The following FSTL4 variants were observed in gnomAD, a reference collection of about 807,000 sequenced individuals.
FSTL4 encodes the protein follistatin like 4.
Under a neutral mutation model 78.2 loss-of-function variants are expected in FSTL4, and 28 were observed. The ratio of observed to expected loss-of-function variants is 0.36; its 90% CI spans 0.27 to 0.49. The LOEUF is 0.49. FSTL4 is among the 20% of genes least tolerant of loss of function. The pLI, the probability that FSTL4 is intolerant of heterozygous loss-of-function variation, is 0.98. For missense variants in FSTL4, 922 were observed against 1,084.9 expected (o/e 0.85, Z 2.11); for synonymous variants, 422 against 440.5 (o/e 0.96, Z 0.53).
chr5:133,375,793 C>T (rs1018931704), intron 4 of FSTL4, among the ~76,000 whole-genome samples: 3 of 152,136 alleles, frequency 2.0e-5, no homozygotes, highest in Non-Finnish European at 1.5e-5. Context: ...TTTGTTCTTC[C>T]CACATTGACA....
chr5:133,387,096 C>T (rs150320944), intron 4 of FSTL4, among the ~76,000 whole-genome samples: 7 of 152,300 alleles, frequency 4.6e-5, no homozygotes, highest in Middle Eastern at 3.4e-3. Flanking sequence ...ATCAGCAAAG[C>T]TGCATGAAGT....
At chr5:133,436,533 G>T (rs573935134) in intron 3 of FSTL4, among the ~76,000 whole-genome samples, 2 of 152,234 alleles carry the variant, frequency 1.3e-5, no homozygotes, top group East Asian at 3.9e-4. Flanking sequence ...TAGAAGCATT[G>T]AGAAGTTATT....
At chr5:133,233,626 C>A in intron 7 of FSTL4, 89 bp from the exon 8 acceptor site, 1 of 1,502,788 alleles carries the variant, frequency 6.7e-7, no homozygotes. Flanking sequence ...AGAAATCCTG[C>A]AGCTGGGAGA....
chr5:133,641,999 T>C, the FSTL4 span, among the ~76,000 whole-genome samples: 2 of 152,102 alleles, frequency 1.3e-5, no homozygotes, highest in Non-Finnish European at 2.9e-5. Context: ...TCTCTTCTAA[T>C]GTTTGAGAAA....
chr5:133,670,300 T>C, the FSTL4 span, among the ~76,000 whole-genome samples: 1 of 152,220 alleles, frequency 6.6e-6, no homozygotes, highest in Non-Finnish European at 1.5e-5. Flanking sequence ...CAAAAGGACC[T>C]CTGGATCCTT....
chr5:133,838,711 G>T, the FSTL4 span, among the ~76,000 whole-genome samples: 3 of 152,346 alleles, frequency 2.0e-5, 1 homozygote, highest in South Asian at 6.2e-4. Context: ...CCAAAAGCAT[G>T]TATCCCAGGG....
At chr5:133,576,685 AG>A in intron 2 of FSTL4, among the ~76,000 whole-genome samples, 1 of 152,182 alleles carries the variant, frequency 6.6e-6, no homozygotes, top group Non-Finnish European at 1.5e-5. Flanking sequence ...CTGGCTTCAG[AG>A]TTCCTCAGGC....
At chr5:133,389,604 C>T (rs529933916) in intron 4 of FSTL4, among the ~76,000 whole-genome samples, 11 of 152,316 alleles carry the variant, frequency 7.2e-5, no homozygotes, top group East Asian at 5.8e-4. Context: ...AGACATCTTC[C>T]TCGCCCCTGC....
intron 8 of FSTL4, among the ~76,000 whole-genome samples, chr5:133,228,615 C>A (rs1246730706): frequency 6.6e-6 from 1 of 152,162 alleles, no homozygotes; most frequent in African/African-American, 2.4e-5. Context: ...GGAAATCTAC[C>A]ATTAATCATT....
chr5:133,601,698 T>TTTTTTTTTC (rs377291709), intron 2 of FSTL4, among the ~76,000 whole-genome samples: 1 of 149,524 alleles, frequency 6.7e-6, no homozygotes, highest in African/African-American at 2.5e-5. Flanking sequence ...TTTTTTTTTT[T>TTTTTTTTTC]CTCAGACATG....
chr5:133,356,801 G>A (rs1754953503), intron 4 of FSTL4, among the ~76,000 whole-genome samples: 1 of 152,212 alleles, frequency 6.6e-6, no homozygotes, highest in African/African-American at 2.4e-5. Flanking sequence ...TTTTGGCAGG[G>A]GACCCCTCAC....
At chr5:133,591,934 G>A (rs538642428) in intron 2 of FSTL4, among the ~76,000 whole-genome samples, 13 of 152,222 alleles carry the variant, frequency 8.5e-5, no homozygotes, top group East Asian at 1.9e-4. Context: ...GTTAGCAGGC[G>A]ATTCTGCTCC....
chr5:133,349,687 G>A (rs905616051), intron 4 of FSTL4, among the ~76,000 whole-genome samples: 3 of 147,608 alleles, frequency 2.0e-5, no homozygotes, highest in Non-Finnish European at 4.5e-5. Context: ...GCTGCCATGC[G>A]ACTGTAAAGG....
At chr5:133,740,933 C>CTGGATGGATGGA in the FSTL4 span, among the ~76,000 whole-genome samples, 21 of 148,966 alleles carry the variant, frequency 1.4e-4, no homozygotes, top group Non-Finnish European at 2.1e-4. Context: ...AAGTCAGCCT[C>CTGGATGGATGGA]TGGATGGATG....
At chr5:133,281,156 G>T (rs1280454436) in intron 6 of FSTL4, among the ~76,000 whole-genome samples, 3 of 152,108 alleles carry the variant, frequency 2.0e-5, no homozygotes, top group Non-Finnish European at 4.4e-5. Flanking sequence ...CCTTCCACCA[G>T]CCCAACCTCC....
At chr5:133,425,315 T>C (rs766752231) in intron 3 of FSTL4, among the ~76,000 whole-genome samples, 1 of 152,192 alleles carries the variant, frequency 6.6e-6, no homozygotes, top group African/African-American at 2.4e-5. Flanking sequence ...CCTGGTCTTG[T>C]CTCCCAGCAG....
chr5:133,505,920 C>T (rs966858547), intron 3 of FSTL4, among the ~76,000 whole-genome samples: 1 of 152,218 alleles, frequency 6.6e-6, no homozygotes, highest in African/African-American at 2.4e-5. Flanking sequence ...ATCAAAAATA[C>T]CCATCCTACT....
chr5:133,701,345 G>A, the FSTL4 span, among the ~76,000 whole-genome samples: 1 of 150,312 alleles, frequency 6.7e-6, no homozygotes. Context: ...GGAGGTTGCA[G>A]TGAGCCGAGA....
upstream of FSTL4, among the ~76,000 whole-genome samples, chr5:133,615,997 C>A (rs756530945): frequency 1.4e-4 from 22 of 152,226 alleles, no homozygotes; most frequent in Non-Finnish European, 3.1e-4. Flanking sequence ...GGCAAATTCC[C>A]AGCAAACTCA....
Sources: gnomAD v4.1 joint callset for allele counts (sites outside exome capture counted in the v4.1 genomes callset) on GRCh38, gnomAD v4.1.1 for gene constraint, MANE v1.5 for transcripts, NCBI Gene and HGNC (gene_info 2026-07-23, HGNC 2026-07-21) for gene names.